The following DMD variants were observed in gnomAD, a reference collection of about 807,000 sequenced individuals.
DMD encodes the protein mutant dystrophin.
In DMD, 63 loss-of-function variants were observed where a neutral mutation model predicts 330.1. That is an observed-to-expected ratio of 0.19 (90% CI 0.16 to 0.24). DMD has a LOEUF of 0.24. Among genes scored for constraint, DMD ranks in the 10% least tolerant of loss-of-function variants. DMD has a pLI of 1.00. For synonymous variants in DMD, 1,223 were observed against 959.8 expected, an observed-to-expected ratio of 1.27 and a Z score of -5.07; for missense variants, 3,344 against 2,684.1, an observed-to-expected ratio of 1.25 and a Z score of -5.43.
chrX:32,292,085 T>C (rs2097473054), intron 42 of DMD, among the ~76,000 whole-genome samples: 1 of 110,253 alleles, frequency 9.1e-6, no homozygotes, highest in African/African-American at 3.3e-5. Flanking sequence ...TCTGTCTCTC[T>C]CACTTTCTCT....
intron 5 of DMD, among the ~76,000 whole-genome samples, chrX:32,817,768 A>G (rs887058931): frequency 5.3e-5 from 6 of 112,165 alleles, no homozygotes; most frequent in African/African-American, 1.9e-4. Flanking sequence ...GTAAATGCAT[A>G]TTTTAACATC....
intron 7 of DMD, among the ~76,000 whole-genome samples, chrX:32,790,257 T>C (rs1314665064): frequency 9.0e-6 from 1 of 111,549 alleles, no homozygotes. Flanking sequence ...AAGAAGGAAA[T>C]GAGGCACTCT....
At position 32,892,560 on chromosome X, in the gene DMD, A is replaced by AT. The variant is rs779157598; in HGVS notation, c.94-42741dup. On this transcript the variant is annotated intron_variant, in intron 2 of 78. Coordinates refer to ENST00000357033, the MANE Select transcript of DMD (RefSeq NM_004006.3). ...AGGCACCTGCCACCACACCCGGCTA[A>AT]TTTTTTTTTGTATTTGTAGTAGAGA... is the stretch of plus-strand genomic sequence containing the variant. Among the ~76,000 whole-genome samples, 645 of 109,077 alleles carry AT rather than the reference A, an allele frequency of 5.9e-3. 2 individuals are homozygous for AT. The highest frequency in any genetic ancestry group is 0.02 in the African/African-American group (607 of 30,003). 94.7% of individuals were successfully genotyped at this position (109,077 alleles called of 115,157 possible).
intron 34 of DMD, among the ~76,000 whole-genome samples, chrX:32,365,607 CCATGGATCTTTTTGGCATCTGT>C (rs2097851730): frequency 9.0e-6 from 1 of 111,047 alleles, no homozygotes; most frequent in Non-Finnish European, 1.9e-5. Context: ...CCTTTTAGTG[CCATGGATCTTTTTGGCATCTGT>C]TGAAGCTTAA....
chrX:32,363,068 AAGAGAG>A, intron 36 of DMD, 110 bp from the exon 37 acceptor site: 2 of 747,797 alleles, frequency 2.7e-6, no homozygotes, highest in South Asian at 4.7e-5. Flanking sequence ...AAGAGTGAGA[AAGAGAG>A]AGAGAGAAAG....
chrX:32,875,438 T>C (rs2083301626), intron 2 of DMD, among the ~76,000 whole-genome samples: 1 of 112,106 alleles, frequency 8.9e-6, no homozygotes, highest in African/African-American at 3.2e-5. Context: ...TCCATGATAA[T>C]TTTCTGCTCT....
chrX:32,239,641 T>G (rs1280919249), intron 43 of DMD, among the ~76,000 whole-genome samples: 1 of 110,938 alleles, frequency 9.0e-6, no homozygotes, highest in Non-Finnish European at 1.9e-5. Flanking sequence ...TCACACAGAG[T>G]AGTTTCATTG....
chrX:31,886,300 A>C (rs1044322661), intron 47 of DMD, among the ~76,000 whole-genome samples: 1 of 111,566 alleles, frequency 9.0e-6, no homozygotes, highest in African/African-American at 3.2e-5. Flanking sequence ...ATGGGAGGCT[A>C]TTCTTATAAT....
intron 2 of DMD, among the ~76,000 whole-genome samples, chrX:32,889,660 T>G (rs987967152): frequency 1.8e-5 from 2 of 111,272 alleles, no homozygotes; most frequent in African/African-American, 6.6e-5. Flanking sequence ...GAAGGTTCTT[T>G]GTCATTCTCC....
intron 2 of DMD, among the ~76,000 whole-genome samples, chrX:32,910,632 G>A (rs1391882176): frequency 1.8e-5 from 2 of 110,520 alleles, no homozygotes; most frequent in South Asian, 3.9e-4. Flanking sequence ...TAGTAGAGAC[G>A]GGGTTTCACT....
At chrX:32,486,671 G>A (rs1374366647) in intron 20 of DMD, among the ~76,000 whole-genome samples, 1 of 106,892 alleles carries the variant, frequency 9.4e-6, no homozygotes, top group East Asian at 2.9e-4. Context: ...CAATGGAACA[G>A]AACAGAGCCC....
At chrX:31,712,518 A>AT (rs2084715550) in intron 52 of DMD, among the ~76,000 whole-genome samples, 1 of 111,389 alleles carries the variant, frequency 9.0e-6, no homozygotes, top group East Asian at 2.8e-4. Flanking sequence ...TATTTAATAT[A>AT]TTTTTAATTT....
chrX:33,210,148 A>T (rs888198902), intron 1 of DMD, among the ~76,000 whole-genome samples: 5 of 111,103 alleles, frequency 4.5e-5, no homozygotes, highest in South Asian at 3.7e-4. Context: ...TGTATTATAA[A>T]GTCTGGTAGC....
Position 32,565,703 on chromosome X carries a change from T to C in DMD, c.1991A>G (p.Gln664Arg). ...AGCATGATAATTGGTATCACTAACC[T>C]GTGCTGTACTCTTTTCAAGTTTTTG... is the stretch of plus-strand genomic sequence containing the variant. ...LVQKLEKSTAQISQAVTTTQP... is the reference protein window; with the variant it reads ...LVQKLEKSTARISQAVTTTQP... Residue 664 changes from glutamine (Q) to arginine (R), a missense_variant and splice_region_variant, in exon 16 of 79, where the codon CAG becomes CGG. By Grantham distance (43) the Gln-to-Arg change is conservative (BLOSUM62 1). Transcript: ENST00000357033. 1 of 1,210,517 alleles carries C rather than the reference T, an allele frequency of 8.3e-7. No individual in the cohort carries two copies. Among genetic ancestry groups the C allele is most frequent in the Non-Finnish European group, 1.1e-6 (1 of 894,251 alleles).
chrX:33,107,850 A>G (rs762297747), intron 1 of DMD, among the ~76,000 whole-genome samples: 290 of 111,752 alleles, frequency 2.6e-3, no homozygotes, highest in African/African-American at 8.9e-3. Flanking sequence ...TGTGAATTTC[A>G]TAGTACTGTA....
chrX:31,948,521 C>G (rs1414776762), intron 45 of DMD, among the ~76,000 whole-genome samples: 1 of 110,818 alleles, frequency 9.0e-6, no homozygotes, highest in Non-Finnish European at 1.9e-5. Context: ...CTCACATCCT[C>G]AACAACATTT....
At chrX:32,529,315 C>T (rs1055582329) in intron 17 of DMD, among the ~76,000 whole-genome samples, 4 of 105,449 alleles carry the variant, frequency 3.8e-5, no homozygotes, top group Middle Eastern at 4.4e-3. Context: ...ACCTTGGGCA[C>T]ATGTCGTCAG....
At chrX:32,655,568 CA>C (rs893310633) in intron 9 of DMD, among the ~76,000 whole-genome samples, 20 of 111,429 alleles carry the variant, frequency 1.8e-4, no homozygotes, top group African/African-American at 6.5e-4. Flanking sequence ...ACTATGTGGT[CA>C]ATTTTGGAAT....
chrX:32,205,374 T>C (rs990092580), intron 44 of DMD, among the ~76,000 whole-genome samples: 1 of 108,378 alleles, frequency 9.2e-6, no homozygotes, highest in Non-Finnish European at 1.9e-5. Flanking sequence ...TTCAACTTTT[T>C]CTCATTTTCA....
Sources: allele counts gnomAD v4.1 joint callset (sites outside exome capture counted in the v4.1 genomes callset), GRCh38; gene constraint gnomAD v4.1.1; transcripts MANE v1.5; gene names NCBI Gene and HGNC (gene_info 2026-07-23, HGNC 2026-07-21).